HMGA2: variants seen among roughly 807,000 people sequenced by gnomAD.
HMGA2 encodes high mobility group protein HMGI-C.
HMGA2 carries 8 observed loss-of-function variants against 19.1 expected under a neutral mutation model. The observed-to-expected ratio is 0.42, with a 90% CI of 0.25 to 0.76. The LOEUF is 0.76. HMGA2 is among the 30% of genes least tolerant of loss of function. HMGA2 has a pLI of 0.28. For synonymous variants in HMGA2, 60 were observed against 48.8 expected, an observed-to-expected ratio of 1.23 and a Z score of -0.96; for missense variants, 109 against 136.3, an observed-to-expected ratio of 0.80 and a Z score of 1.00.
intron 3 of HMGA2, among the ~76,000 whole-genome samples, chr12:65,874,656 C>T (rs1279664859): frequency 6.6e-6 from 1 of 152,106 alleles, no homozygotes; most frequent in East Asian, 1.9e-4. Context: ...CCTGATTTAC[C>T]CGCAGAACCA....
rs1026515589 is a variant in HMGA2 at position 65,963,988 on chromosome 12, T to C, written c.*696T>C. The C allele has an allele frequency of 4.8e-6, 1 of 208,910 alleles. No homozygotes were observed. The highest frequency in any genetic ancestry group is 9.8e-6 in the Non-Finnish European group (1 of 102,540). 12.9% of individuals were successfully genotyped at this position (208,910 alleles called of 1,614,324 possible). ...AAGTAAGCAAACAAATATTGCCAAC[T>C]CTTCTATTTATGGATATCACACATA... On this transcript the variant is annotated 3_prime_UTR_variant, in exon 5 of 5. Transcript: ENST00000403681.
intron 3 of HMGA2, among the ~76,000 whole-genome samples, chr12:65,878,273 G>A (rs1873162801): frequency 6.6e-6 from 1 of 152,200 alleles, no homozygotes; most frequent in Non-Finnish European, 1.5e-5. Flanking sequence ...TTTCCAAGTG[G>A]TCCCTGTAAA....
intron 3 of HMGA2, among the ~76,000 whole-genome samples, chr12:65,943,496 T>C (rs572539766): frequency 1.3e-5 from 2 of 152,166 alleles, no homozygotes; most frequent in Admixed American, 6.5e-5. Context: ...CTTGAGCAGA[T>C]GAAACAAGGC....
chr12:65,876,436 G>A (rs1235685558), intron 3 of HMGA2, among the ~76,000 whole-genome samples: 1 of 152,068 alleles, frequency 6.6e-6, no homozygotes, highest in Admixed American at 6.6e-5. Context: ...TTTTCTATTA[G>A]CCAATAAGTT....
chr12:65,852,745 G>A (rs1418720156), intron 3 of HMGA2, among the ~76,000 whole-genome samples: 2 of 152,036 alleles, frequency 1.3e-5, no homozygotes, highest in East Asian at 3.9e-4. Flanking sequence ...CAACATGAAA[G>A]GTATTGGGTT....
chr12:65,907,411 C>CAAAAAA (rs762897630), intron 3 of HMGA2, among the ~76,000 whole-genome samples: 1 of 54,584 alleles, frequency 1.8e-5, no homozygotes, highest in African/African-American at 6.3e-5. Context: ...GATTCCGTCT[C>CAAAAAA]AAAAAAAAAA....
At position 65,925,290 on chromosome 12, in the gene HMGA2, G is replaced by GA. The variant is rs1459641435; in HGVS notation, c.250-26086dup. On this transcript the variant is annotated intron_variant, in intron 3 of 4. Coordinates refer to ENST00000403681, the MANE Select transcript of HMGA2 (RefSeq NM_003483.6). ...GTTCGCTCAAACGTGTCCCAAATTT[G>GA]AAAAAAATTGACTTTTGGACAATTT... Among the ~76,000 whole-genome samples the GA allele has an allele frequency of 3.3e-5, 5 of 152,022 alleles. No individual in the cohort carries two copies. In the East Asian group the frequency reaches 5.8e-4, roughly 18 times the overall value.
chr12:65,952,507 G>T, intron 4 of HMGA2: 1 of 1,477,222 alleles, frequency 6.8e-7, no homozygotes. Context: ...AGCTTTAAGT[G>T]GAATAAAAAC....
chr12:65,886,504 C>T (rs1873663433), intron 3 of HMGA2, among the ~76,000 whole-genome samples: 1 of 151,998 alleles, frequency 6.6e-6, no homozygotes, highest in South Asian at 2.1e-4. Context: ...GGACTACAGG[C>T]GTCCTCCCCA....
At position 65,854,411 on chromosome 12, in the gene HMGA2, C is replaced by G. The variant is rs1462238064; in HGVS notation, c.249+15842C>G. Among the ~76,000 whole-genome samples, 5 of 152,282 alleles carry G rather than the reference C, an allele frequency of 3.3e-5. No homozygotes were observed. The East Asian group carries it at 9.6e-4, about 29-fold the overall frequency. On this transcript the variant is annotated intron_variant, in intron 3 of 4. Transcript: ENST00000403681. The stretch of plus-strand genomic sequence containing the variant: ...CCCCTAATGCTGGCATTTTGTAAAA[C>G]TGTAGAACAAGATCTCAATTAGGAT...
At chr12:65,828,580 A>T (rs2120829481) in intron 2 of HMGA2, 1 of 176,162 alleles carries the variant, frequency 5.7e-6, no homozygotes, top group East Asian at 1.5e-4. Context: ...GACGATAATT[A>T]GAAGTAAATC....
chr12:65,834,855 T>G (rs1450176230), intron 2 of HMGA2, among the ~76,000 whole-genome samples: 1 of 152,236 alleles, frequency 6.6e-6, no homozygotes, highest in Non-Finnish European at 1.5e-5. Flanking sequence ...CTAATCTTCA[T>G]GGACTTGCTT....
intron 3 of HMGA2, among the ~76,000 whole-genome samples, chr12:65,927,001 T>C (rs1018663063): frequency 8.5e-5 from 13 of 152,194 alleles, no homozygotes; most frequent in Non-Finnish European, 1.9e-4. Flanking sequence ...GGGTATATCA[T>C]TGGAGACTCC....
chr12:65,870,284 G>A (rs1421811903), intron 3 of HMGA2, among the ~76,000 whole-genome samples: 2 of 152,188 alleles, frequency 1.3e-5, no homozygotes, highest in Admixed American at 1.3e-4. Context: ...TACGAGCCTT[G>A]TAAGGTAGTG....
rs901701246 is a variant in HMGA2 at position 65,951,303 on chromosome 12, T to C, written c.250-80T>C. The C allele has an allele frequency of 9.7e-6, 8 of 821,966 alleles. No individual in the cohort carries two copies. In the African/African-American group the frequency reaches 1.4e-4, roughly 14 times the overall value. The allele number at this position is 821,966 out of a possible 1,614,324, so 50.9% of individuals were successfully genotyped here. ...CCTCTTTCCTTTGCAGACAAGTATC[T>C]GTATTTAAAATATGTACACCTAATT... On this transcript the variant is annotated intron_variant, in intron 3 of 4. Transcript: ENST00000403681.
At chr12:65,962,241 C>G (rs376731681) in intron 4 of HMGA2, among the ~76,000 whole-genome samples, 1 of 152,108 alleles carries the variant, frequency 6.6e-6, no homozygotes, top group East Asian at 1.9e-4. Flanking sequence ...TTATTGTCTC[C>G]GCTTTACCAC....
intron 3 of HMGA2, among the ~76,000 whole-genome samples, chr12:65,913,887 A>G (rs971993693): frequency 1.1e-4 from 16 of 152,152 alleles, no homozygotes; most frequent in Non-Finnish European, 2.4e-4. Context: ...ACTCTCCTCT[A>G]CATCAGTTCA....
At chr12:65,910,451 A>T (rs772888469) in intron 3 of HMGA2, among the ~76,000 whole-genome samples, 4 of 152,186 alleles carry the variant, frequency 2.6e-5, no homozygotes, top group Admixed American at 6.6e-5. Context: ...TTTACACCGT[A>T]CTCACTCCTC....
intron 3 of HMGA2, among the ~76,000 whole-genome samples, chr12:65,909,192 T>C (rs1023855622): frequency 1.3e-5 from 2 of 152,228 alleles, no homozygotes; most frequent in Non-Finnish European, 2.9e-5. Flanking sequence ...GTAAGTCCCA[T>C]ACCTGGGAGC....
Sources: gnomAD v4.1 joint callset for allele counts (sites outside exome capture counted in the v4.1 genomes callset) on GRCh38, gnomAD v4.1.1 for gene constraint, MANE v1.5 for transcripts, NCBI Gene and HGNC (gene_info 2026-07-23, HGNC 2026-07-21) for gene names.